The following PIK3R5 variants were observed in gnomAD, a reference collection of about 807,000 sequenced individuals.
PIK3R5 encodes the protein phosphoinositide-3-kinase regulatory subunit 5, also known as phosphoinositide 3-kinase regulatory subunit 5.
PIK3R5 carries 32 observed loss-of-function variants against 94.9 expected under a neutral mutation model. That is an observed-to-expected ratio of 0.34 (90% CI 0.25 to 0.45). The LOEUF is 0.45. PIK3R5 is among the 20% of genes least tolerant of loss of function. PIK3R5 has a pLI of 1.00. For synonymous variants in PIK3R5, 443 were observed against 479.4 expected (o/e 0.92, Z 0.99); for missense variants, 853 against 1,144.6 (o/e 0.75, Z 3.68).
intron 1 of PIK3R5, among the ~76,000 whole-genome samples, chr17:8,965,001 C>CCACACA (rs10680170): frequency 0.17 from 26,355 of 150,686 alleles, 2,637 homozygotes; most frequent in East Asian, 0.4. Flanking sequence ...ATGCGCATGC[C>CCACACA]CACACACACA....
intron 5 of PIK3R5, among the ~76,000 whole-genome samples, chr17:8,902,152 G>C (rs978444857): frequency 1.1e-4 from 17 of 148,332 alleles, no homozygotes; most frequent in Admixed American, 6.8e-4. Flanking sequence ...GGTTCTTTTT[G>C]ATGTACTTGA....
intron 1 of PIK3R5, among the ~76,000 whole-genome samples, chr17:8,926,579 A>G (rs1202919674): frequency 6.6e-6 from 1 of 152,210 alleles, no homozygotes; most frequent in Non-Finnish European, 1.5e-5. Flanking sequence ...AATGAGGAAG[A>G]TGCAAAAGTA....
rs761616260 is a variant in PIK3R5, at chr17:8,881,860, G to A, written c.2227C>T (p.Arg743Cys). Residue 743 changes from arginine (R) to cysteine (C), a missense_variant, in exon 16 of 19, where the codon CGC (arginine) becomes TGC (cysteine). Physicochemically the swap from Arg to Cys is radical, Grantham distance 180. Around this residue, in one of 6 missense-constraint regions of PIK3R5, gnomAD observed 173 missense variants for 274.1 expected, o/e 0.63. Transcript: ENST00000447110. This position sits in a 1 kb window ranked among gnomAD's most constrained non-coding sequence, Gnocchi z 4.8. ...YSKGAISGRSRWSNLEKVCTS... is the reference protein window; with the variant it reads ...YSKGAISGRSCWSNLEKVCTS... ...CAGACCTTCTCCAGGTTGCTCCAGC[G>A]ACTTCGTCCACTGATGGCCCCCTGG... is the stretch of plus-strand genomic sequence containing the variant. 12 of 1,613,832 alleles carry A rather than the reference G, an allele frequency of 7.4e-6. No homozygotes were observed. Among genetic ancestry groups the A allele is most frequent in the South Asian group, 4.4e-5 (4 of 91,024 alleles).
chr17:8,950,181 A>C lies in PIK3R5; in HGVS notation c.-14+15415T>G, dbSNP rs115986515. 5.4e-3 allele frequency among the ~76,000 whole-genome samples: 823 copies of C among 152,350 alleles called. 16 individuals are homozygous for C. Among genetic ancestry groups the C allele is most frequent in the African/African-American group, 0.019 (781 of 41,586 alleles). ...TACGAATGATAACACAGATAGATGG[A>C]TTCATTACTGGCTTCATAACCTCAC... On this transcript the variant is annotated intron_variant, in intron 1 of 18. Coordinates refer to ENST00000447110, the MANE Select transcript of PIK3R5 (RefSeq NM_001142633.3).
At chr17:8,927,558 T>C (rs1288956870) in intron 1 of PIK3R5, among the ~76,000 whole-genome samples, 3 of 152,204 alleles carry the variant, frequency 2.0e-5, no homozygotes, top group Non-Finnish European at 4.4e-5. Context: ...AGAGGAAGCC[T>C]AGCAGGGAGT....
chr17:8,891,007 G>T, intron 6 of PIK3R5, 95 bp from the exon 7 acceptor site: 1 of 1,229,572 alleles, frequency 8.1e-7, no homozygotes, highest in Admixed American at 2.1e-5. Flanking sequence ...CAGCTCCACT[G>T]AGACCAGGGC....
intron 1 of PIK3R5, among the ~76,000 whole-genome samples, chr17:8,913,170 G>A (rs1011813250): frequency 2.6e-5 from 4 of 152,198 alleles, no homozygotes; most frequent in African/African-American, 9.6e-5. Flanking sequence ...GGGTGTTGGG[G>A]GGTCAGGGAG....
Position 8,911,542 on chromosome 17 carries a change from G to T in PIK3R5, c.-13-35C>A. On this transcript the variant is annotated intron_variant, in intron 1 of 18. Transcript: ENST00000447110. The surrounding 1 kb of genome is among the most constrained non-coding windows in gnomAD (Gnocchi z 5.3). ...GGACAGACGCCGGTCAGCTTGTCGA[G>T]CTCCTTTCCCAGAGAGCACCTGGTC... 7.0e-7 allele frequency: 1 copy of T among 1,428,292 alleles called. No individual in the cohort carries two copies. Among genetic ancestry groups the T allele is most frequent in the Non-Finnish European group, 9.7e-7 (1 of 1,031,302 alleles). 88.5% of individuals were successfully genotyped at this position (1,428,292 alleles called of 1,614,324 possible). A position where few individuals can be genotyped will look rare whatever the true frequency, so the allele number is the denominator to read the frequency against.
intron 1 of PIK3R5, among the ~76,000 whole-genome samples, chr17:8,964,721 G>T (rs546480796): frequency 6.6e-6 from 1 of 152,220 alleles, no homozygotes; most frequent in South Asian, 2.1e-4. Flanking sequence ...CCTGAGGGCA[G>T]GAAGGAAAGT....
intron 1 of PIK3R5, among the ~76,000 whole-genome samples, chr17:8,949,826 C>T (rs1372321407): frequency 6.6e-6 from 1 of 152,148 alleles, no homozygotes. Context: ...TACACTGCAC[C>T]AAAATCTCAC....
At chr17:8,956,242 G>A (rs925014019) in intron 1 of PIK3R5, among the ~76,000 whole-genome samples, 1 of 151,978 alleles carries the variant, frequency 6.6e-6, no homozygotes, top group African/African-American at 2.4e-5. Context: ...AGGTTGGGAA[G>A]AGACTATTGG....
chr17:8,886,343 T>G (rs1206579989), intron 13 of PIK3R5, 21 bp from the exon 14 acceptor site: 1 of 1,605,266 alleles, frequency 6.2e-7, no homozygotes, highest in Non-Finnish European at 8.5e-7. Context: ...CAGGAGCATG[T>G]ACATCAGTGT....
At position 8,909,593 on chromosome 17, in the gene PIK3R5, A is replaced by G. The variant is rs533524619; in HGVS notation, c.104-419T>C. Among the ~76,000 whole-genome samples, 1 of 152,220 alleles carries G rather than the reference A, an allele frequency of 6.6e-6. No individual in the cohort carries two copies. Among genetic ancestry groups the G allele is most frequent in the South Asian group, 2.1e-4 (1 of 4,822 alleles). The stretch of plus-strand genomic sequence containing the variant: ...TGAGCCACTGCACCCGGCCTGGAAC[A>G]CTCCTTTCTAAAGTAAGTGAATCTA... On this transcript the variant is annotated intron_variant, in intron 2 of 18. Transcript: ENST00000447110. The surrounding 1 kb of genome is among the most constrained non-coding windows in gnomAD (Gnocchi z 4.3).
chr17:8,913,514 C>T (rs1307272715), intron 1 of PIK3R5, among the ~76,000 whole-genome samples: 2 of 151,786 alleles, frequency 1.3e-5, no homozygotes, highest in African/African-American at 4.9e-5. Context: ...CGAATCCAGC[C>T]TGGCCAACAT....
intron 5 of PIK3R5, among the ~76,000 whole-genome samples, chr17:8,900,210 A>G (rs973922867): frequency 7.2e-5 from 11 of 152,240 alleles, no homozygotes; most frequent in Admixed American, 1.3e-4. Context: ...TAGAAAAGAT[A>G]ACCTCAAAGG....
At chr17:8,924,307 G>C (rs1597407553) in intron 1 of PIK3R5, among the ~76,000 whole-genome samples, 1 of 148,902 alleles carries the variant, frequency 6.7e-6, no homozygotes, top group East Asian at 2.0e-4. Flanking sequence ...TTGAACTCCT[G>C]AGCTCAAGCA....
intron 1 of PIK3R5, among the ~76,000 whole-genome samples, chr17:8,962,970 TTC>T (rs2091593321): frequency 6.6e-6 from 1 of 152,130 alleles, no homozygotes; most frequent in Non-Finnish European, 1.5e-5. Flanking sequence ...TCCAGGAGCT[TTC>T]TCTGTTTTTT....
intron 1 of PIK3R5, among the ~76,000 whole-genome samples, chr17:8,944,188 G>A (rs1279033444): frequency 1.3e-5 from 2 of 152,016 alleles, no homozygotes; most frequent in African/African-American, 2.4e-5. Flanking sequence ...CAGACATCCT[G>A]TTATTCTATT....
chr17:8,954,937 C>CA (rs4065024), intron 1 of PIK3R5, among the ~76,000 whole-genome samples: 3,678 of 101,016 alleles, frequency 0.036, 66 homozygotes, highest in Middle Eastern at 0.083. Flanking sequence ...AACTCCGTCT[C>CA]AAAAAAAAAA....
Sources: gnomAD v4.1 joint callset for allele counts (sites outside exome capture counted in the v4.1 genomes callset) on GRCh38, gnomAD v4.1.1 for gene constraint, gnomAD v4.1.1 regional missense constraint, Gnocchi (gnomAD v3.1) non-coding constraint, MANE v1.5 for transcripts, NCBI Gene and HGNC (gene_info 2026-07-23, HGNC 2026-07-21) for gene names.